ABCA1: variants seen among roughly 807,000 people sequenced by gnomAD.
ABCA1 encodes ATP binding cassette subfamily A member 1.
Under a neutral mutation model 262.5 loss-of-function variants are expected in ABCA1, and 133 were observed. The ratio of observed to expected loss-of-function variants is 0.51; its 90% confidence interval spans 0.44 to 0.59. The LOEUF (loss-of-function observed/expected upper bound fraction) is 0.59. Among genes scored for constraint, ABCA1 ranks in the 20% least tolerant of loss-of-function variants. The pLI is 0.00. For missense variants in ABCA1, 2,452 were observed against 2,777.5 expected, an observed-to-expected ratio of 0.88 and a Z score of 2.63; for synonymous variants, 1,022 against 1,043.5, an observed-to-expected ratio of 0.98 and a Z score of 0.40.
intron 5 of ABCA1, among the ~76,000 whole-genome samples, chr9:104,879,680 G>A (rs965171052): frequency 1.3e-5 from 2 of 152,168 alleles, no homozygotes; most frequent in African/African-American, 2.4e-5. Context: ...TCACAATTTT[G>A]TTTGAGTGCA....
intron 1 of ABCA1, among the ~76,000 whole-genome samples, chr9:104,918,164 T>C (rs1467083577): frequency 6.6e-6 from 1 of 150,428 alleles, no homozygotes; most frequent in Non-Finnish European, 1.5e-5. Flanking sequence ...TTTCAGTAGG[T>C]GAGGAATATG....
chr9:104,882,943 C>T lies in ABCA1; in HGVS notation c.421+96G>A, dbSNP rs573681831. 51 of 1,218,384 alleles carry T rather than the reference C, an allele frequency of 4.2e-5. No homozygotes were observed. The Admixed American group carries it at 7.1e-4, about 17-fold the overall frequency. The allele number at this position is 1,218,384 out of a possible 1,614,324, so 75.5% of individuals were successfully genotyped here. ...AGGAGAAAAACCCCTTGGGGAAGATCTAATGGGAACAAGCCCCAGACACCT... is the reference window on the plus strand; with the variant it reads ...AGGAGAAAAACCCCTTGGGGAAGATTTAATGGGAACAAGCCCCAGACACCT... On this transcript the variant is annotated intron_variant, in intron 5 of 49. Transcript: ENST00000374736.
chr9:104,809,573 A>T lies in ABCA1; in HGVS notation c.4176-9T>A. On this transcript the variant is annotated splice_polypyrimidine_tract_variant and intron_variant, in intron 29 of 49. Coordinates refer to ENST00000374736, the MANE Select transcript of ABCA1 (RefSeq NM_005502.4). ...CCTCAGGAGCATCATTGCTGTGGGT[A>T]CATGAGAGGCAGCCAGCTTAGTAAT... 1 of 1,611,580 alleles carries T rather than the reference A, an allele frequency of 6.2e-7. No individual in the cohort carries two copies. Among genetic ancestry groups the T allele is most frequent in the African/African-American group, 1.3e-5 (1 of 75,016 alleles).
intron 8 of ABCA1, among the ~76,000 whole-genome samples, chr9:104,841,453 GA>G (rs1834366459): frequency 6.6e-6 from 1 of 151,520 alleles, no homozygotes; most frequent in South Asian, 2.1e-4. Flanking sequence ...AAAAGAAAAA[GA>G]AAAAGAAAAA....
At position 104,837,528 on chromosome 9, in the gene ABCA1, C is replaced by A; in HGVS notation, c.1094G>T (p.Ser365Ile). The A allele has an allele frequency of 6.2e-7, 1 of 1,614,116 alleles. No individual in the cohort carries two copies. The highest frequency in any genetic ancestry group is 1.1e-5 in the South Asian group (1 of 91,078). ...TTTCCAGATAATGCGGGAAAGAGGA[C>A]TAGACTCCAAATTCTTCATCAAATC... The part of the protein sequence containing the change: ...CNDLMKNLES[S>I]PLSRIIWKAL... Residue 365 changes from serine (S) to isoleucine (I), a missense_variant, in exon 10 of 50, where the codon AGT becomes ATT. Transcript: ENST00000374736.
chr9:104,903,488 AGAT>A, intron 2 of ABCA1, 123 bp downstream of exon 2: 1 of 1,004,074 alleles, frequency 1.0e-6, no homozygotes, highest in South Asian at 1.4e-5. Context: ...CATAAGAGCC[AGAT>A]TCCATCAATC....
At chr9:104,799,743 G>C in intron 36 of ABCA1, 76 bp downstream of exon 36, 2 of 1,613,356 alleles carry the variant, frequency 1.2e-6, no homozygotes, top group East Asian at 2.2e-5. Context: ...CCTACAATGA[G>C]ATTCACATTT....
intron 49 of ABCA1, among the ~76,000 whole-genome samples, chr9:104,784,781 C>T (rs1828772533): frequency 2.6e-5 from 4 of 152,236 alleles, no homozygotes; most frequent in East Asian, 3.9e-4. Flanking sequence ...GTAGCTGGGA[C>T]TACAAGTGCG....
intron 1 of ABCA1, among the ~76,000 whole-genome samples, chr9:104,926,443 C>T (rs1227421856): frequency 1.9e-5 from 2 of 106,834 alleles, no homozygotes; most frequent in African/African-American, 8.3e-5. Context: ...TTGGCAAACA[C>T]GCTAACAAAA....
chr9:104,837,139 G>A, intron 10 of ABCA1, 43 bp from the exon 11 acceptor site: 1 of 1,499,930 alleles, frequency 6.7e-7, no homozygotes, highest in Non-Finnish European at 9.2e-7. Context: ...AAAAGGAGGA[G>A]AAGCACAGAC....
chr9:104,792,642 A>T, intron 42 of ABCA1, 144 bp downstream of exon 42: 1 of 1,018,026 alleles, frequency 9.8e-7, no homozygotes, highest in Non-Finnish European at 1.5e-6. Flanking sequence ...TGGTGTTTTT[A>T]AAATAAAATT....
At chr9:104,888,405 G>C (rs1349271028) in intron 3 of ABCA1, among the ~76,000 whole-genome samples, 1 of 152,192 alleles carries the variant, frequency 6.6e-6, no homozygotes, top group Non-Finnish European at 1.5e-5. Flanking sequence ...AGCCCTAAGA[G>C]AAAGACTGTG....
intron 18 of ABCA1, among the ~76,000 whole-genome samples, chr9:104,823,285 G>A (rs1400226417): frequency 6.6e-6 from 1 of 152,128 alleles, no homozygotes; most frequent in Admixed American, 6.5e-5. Flanking sequence ...GTAATTACAT[G>A]AATTCACACA....
Position 104,840,297 on chromosome 9 carries a change from AG to A in ABCA1, c.1035del (p.Phe346SerfsTer13). 1 of 1,614,186 alleles carries A rather than the reference AG, an allele frequency of 6.2e-7. No homozygotes were observed. The highest frequency in any genetic ancestry group is 8.5e-7 in the Non-Finnish European group (1 of 1,180,026). On this transcript the variant is annotated frameshift_variant, in exon 9 of 50. Transcript: ENST00000374736. LOFTEE classifies it high-confidence loss of function. The part of the protein sequence containing the change: ...GGNGTEEDAE[T>X]FYDNSTTPYC... ...CACTCACTTGTAGAGTTGTCATAGA[AG>A]GTTTCAGCATCTTCCTCAGTGCCAT...
At chr9:104,814,314 T>A in intron 26 of ABCA1, 83 bp from the exon 27 acceptor site, 2 of 1,561,964 alleles carry the variant, frequency 1.3e-6, no homozygotes, top group Non-Finnish European at 1.8e-6. Flanking sequence ...ACCTACACTC[T>A]ACAAATGAGA....
At chr9:104,869,074 C>T (rs372465265) in intron 5 of ABCA1, among the ~76,000 whole-genome samples, 2 of 151,736 alleles carry the variant, frequency 1.3e-5, no homozygotes, top group East Asian at 1.9e-4. Context: ...CTCAGGAAGG[C>T]GGAGGAGGAA....
At chr9:104,883,504 G>C (rs1158427501) in intron 4 of ABCA1, among the ~76,000 whole-genome samples, 1 of 152,132 alleles carries the variant, frequency 6.6e-6, no homozygotes, top group Admixed American at 6.5e-5. Context: ...GCCTGGGCCT[G>C]GGATACTCTT....
chr9:104,810,871 C>T lies in ABCA1; in HGVS notation c.4104G>A (p.Val1368=). Reference sequence around the variant, plus strand: ...GGCTGGGGTACTTGCCAAAGGGTGGCACGATCAGGCTGAACACAAGGGCAA... The same window carrying T: ...GGCTGGGGTACTTGCCAAAGGGTGGTACGATCAGGCTGAACACAAGGGCAA... ...VCIALVFSLI[V]PPFGKYPSLE... The change falls in exon 29 of 50, where the codon GTG becomes GTA. Residue 1368 remains valine, a synonymous_variant. Coordinates refer to ENST00000374736, the MANE Select transcript of ABCA1 (RefSeq NM_005502.4). 6.2e-7 allele frequency: 1 copy of T among 1,614,212 alleles called. No homozygotes were observed. Among genetic ancestry groups the T allele is most frequent in the East Asian group, 2.2e-5 (1 of 44,874 alleles).
intron 7 of ABCA1, among the ~76,000 whole-genome samples, chr9:104,846,801 T>G (rs996099781): frequency 4.6e-5 from 7 of 152,034 alleles, no homozygotes; most frequent in Non-Finnish European, 8.8e-5. Flanking sequence ...CCCTTAAACG[T>G]CAGACTCAGA....
Sources: allele counts gnomAD v4.1 joint callset (sites outside exome capture counted in the v4.1 genomes callset), GRCh38; gene constraint gnomAD v4.1.1; transcripts MANE v1.5; gene names NCBI Gene and HGNC (gene_info 2026-07-23, HGNC 2026-07-21).